The following SUPT3H variants were observed in gnomAD, a reference collection of about 807,000 sequenced individuals.
SUPT3H encodes SPT3 homolog, SAGA and STAGA complex component.
SUPT3H carries 44 observed loss-of-function variants against 44.3 expected under a neutral mutation model. The ratio of observed to expected loss-of-function variants is 0.99; its 90% CI spans 0.78 to 1.28. The LOEUF (loss-of-function observed/expected upper bound fraction) is 1.28. Ranked by LOEUF, SUPT3H falls within the 50% of genes most tolerant of loss-of-function variation. The probability of loss-of-function intolerance (pLI) is 0.00; values close to 1 mark genes in which losing one functional copy is unlikely to be tolerated. For synonymous variants in SUPT3H, 124 were observed against 125.6 expected (o/e 0.99, Z 0.09); for missense variants, 380 against 387.1 (o/e 0.98, Z 0.15).
intron 2 of SUPT3H, among the ~76,000 whole-genome samples, chr6:45,279,356 T>C (rs879911471): frequency 6.6e-6 from 1 of 152,188 alleles, no homozygotes; most frequent in Non-Finnish European, 1.5e-5. Context: ...ATGTATGATA[T>C]GGTTTGGATA....
intron 2 of SUPT3H, among the ~76,000 whole-genome samples, chr6:45,227,639 G>A (rs1259466696): frequency 6.6e-6 from 1 of 152,148 alleles, no homozygotes; most frequent in African/African-American, 2.4e-5. Context: ...CTGGACACCT[G>A]TTGCATTCCT....
intron 2 of SUPT3H, among the ~76,000 whole-genome samples, chr6:45,327,981 C>A (rs78404771): frequency 0.014 from 2,159 of 151,926 alleles, 26 homozygotes; most frequent in Non-Finnish European, 0.023. Flanking sequence ...AGAGGTTGAG[C>A]GGGGAGTAGA....
intron 4 of SUPT3H, among the ~76,000 whole-genome samples, chr6:45,019,184 G>A (rs1348948813): frequency 6.6e-6 from 1 of 151,998 alleles, no homozygotes; most frequent in African/African-American, 2.4e-5. Context: ...CTGTGGGATT[G>A]GTGGTGATAT....
At chr6:45,118,664 C>T (rs968489267) in intron 2 of SUPT3H, among the ~76,000 whole-genome samples, 10 of 152,120 alleles carry the variant, frequency 6.6e-5, no homozygotes, top group Admixed American at 5.9e-4. Flanking sequence ...TCAGCCAATG[C>T]CTTCCAAACT....
At chr6:45,064,212 C>A (rs996301788) in intron 3 of SUPT3H, among the ~76,000 whole-genome samples, 1 of 138,982 alleles carries the variant, frequency 7.2e-6, no homozygotes, top group Admixed American at 7.3e-5. Context: ...CCAAACTAAG[C>A]TTCATAAGTG....
At chr6:44,936,803 G>A (rs941337286) in intron 9 of SUPT3H, among the ~76,000 whole-genome samples, 3 of 152,176 alleles carry the variant, frequency 2.0e-5, no homozygotes, top group Admixed American at 6.5e-5. Flanking sequence ...AAATAGCTGG[G>A]ACTACAGGCA....
chr6:45,052,255 T>C (rs1790420091), intron 3 of SUPT3H, among the ~76,000 whole-genome samples: 2 of 152,206 alleles, frequency 1.3e-5, no homozygotes, highest in South Asian at 4.1e-4. Context: ...TAAGTAGTTA[T>C]GAGTTTTTAA....
At chr6:45,357,099 T>C (rs111646702) in intron 2 of SUPT3H, among the ~76,000 whole-genome samples, 3,098 of 152,190 alleles carry the variant, frequency 0.02, 42 homozygotes, top group Non-Finnish European at 0.032. Context: ...CTCCGCCTCC[T>C]GGGTTCACGC....
intron 10 of SUPT3H, among the ~76,000 whole-genome samples, chr6:44,909,971 GA>G (rs1766752261): frequency 6.6e-6 from 1 of 152,144 alleles, no homozygotes; most frequent in South Asian, 2.1e-4. Flanking sequence ...AGCGCTTTTG[GA>G]AAGTATTTGG....
chr6:45,245,037 G>T (rs1035226217), intron 2 of SUPT3H, among the ~76,000 whole-genome samples: 1 of 151,882 alleles, frequency 6.6e-6, no homozygotes, highest in Non-Finnish European at 1.5e-5. Flanking sequence ...CTTTACCTTC[G>T]AGCATTAAAA....
At chr6:44,884,424 A>T (rs1448881412) in intron 10 of SUPT3H, among the ~76,000 whole-genome samples, 1 of 152,224 alleles carries the variant, frequency 6.6e-6, no homozygotes, top group Admixed American at 6.5e-5. Flanking sequence ...AATCAGTTCA[A>T]CCATTGTGGA....
intron 2 of SUPT3H, among the ~76,000 whole-genome samples, chr6:45,304,848 T>C (rs1782737106): frequency 6.6e-6 from 1 of 152,102 alleles, no homozygotes; most frequent in African/African-American, 2.4e-5. Context: ...CAGTCAATAA[T>C]GTACTTAAAA....
intron 2 of SUPT3H, among the ~76,000 whole-genome samples, chr6:45,252,619 G>C (rs1052290214): frequency 4.0e-5 from 6 of 151,308 alleles, no homozygotes; most frequent in Non-Finnish European, 2.9e-5. Context: ...AGAGTTCTAA[G>C]GTAAAATACA....
chr6:45,275,183 A>C (rs1776816286), intron 2 of SUPT3H, among the ~76,000 whole-genome samples: 1 of 152,184 alleles, frequency 6.6e-6, no homozygotes, highest in Non-Finnish European at 1.5e-5. Flanking sequence ...TCACAAAATA[A>C]ACTGGGAGAT....
chr6:45,066,336 C>G (rs1337055960), intron 3 of SUPT3H, among the ~76,000 whole-genome samples: 1 of 146,948 alleles, frequency 6.8e-6, no homozygotes, highest in Non-Finnish European at 1.5e-5. Context: ...CTATCTATGA[C>G]AAACCCACAG....
chr6:44,872,858 G>C (rs1437010340), intron 10 of SUPT3H, among the ~76,000 whole-genome samples: 2 of 21,682 alleles, frequency 9.2e-5, no homozygotes, highest in Non-Finnish European at 2.4e-4. Context: ...CCTAGTCTCT[G>C]ATAAAACAGA....
At chr6:45,145,667 T>C (rs1182529953) in intron 2 of SUPT3H, among the ~76,000 whole-genome samples, 2 of 151,934 alleles carry the variant, frequency 1.3e-5, no homozygotes. Flanking sequence ...GATAAATAGA[T>C]GGGACTTAAT....
intron 2 of SUPT3H, among the ~76,000 whole-genome samples, chr6:45,303,862 G>A (rs1472358226): frequency 5.3e-5 from 8 of 151,598 alleles, no homozygotes; most frequent in Admixed American, 4.6e-4. Flanking sequence ...GCATAGTGGT[G>A]CGCGCCTGTA....
chr6:45,129,017 TG>T (rs1324435277), intron 2 of SUPT3H, among the ~76,000 whole-genome samples: 5 of 152,272 alleles, frequency 3.3e-5, no homozygotes, highest in African/African-American at 1.2e-4. Flanking sequence ...ACATTAACTA[TG>T]TATTCATGAC....
Sources: allele counts gnomAD v4.1 joint callset (sites outside exome capture counted in the v4.1 genomes callset), GRCh38; gene constraint gnomAD v4.1.1; transcripts MANE v1.5; gene names NCBI Gene and HGNC (gene_info 2026-07-23, HGNC 2026-07-21).